The following KCTD8 variants were observed in gnomAD, a reference collection of about 807,000 sequenced individuals.
The protein encoded by KCTD8 is BTB/POZ domain-containing protein KCTD8.
Under a neutral mutation model 31.5 loss-of-function variants are expected in KCTD8, and 27 were observed. The observed-to-expected ratio is 0.86, with a 90% CI of 0.63 to 1.18. The LOEUF (loss-of-function observed/expected upper bound fraction) is 1.18. Ranked by LOEUF, KCTD8 falls within the 50% of genes most tolerant of loss-of-function variation. KCTD8 has a pLI of 0.00. For synonymous variants in KCTD8, 290 were observed against 280.0 expected, an observed-to-expected ratio of 1.04 and a Z score of -0.36; for missense variants, 658 against 647.7, an observed-to-expected ratio of 1.02 and a Z score of -0.17.
At chr4:44,276,527 T>C (rs952488611) in intron 1 of KCTD8, among the ~76,000 whole-genome samples, 1 of 151,974 alleles carries the variant, frequency 6.6e-6, no homozygotes, top group Non-Finnish European at 1.5e-5. Context: ...TATTCTTTAG[T>C]CTAAACAGTA....
At chr4:44,424,963 T>C (rs1289271816) in intron 1 of KCTD8, among the ~76,000 whole-genome samples, 1 of 151,916 alleles carries the variant, frequency 6.6e-6, no homozygotes, top group Non-Finnish European at 1.5e-5. Flanking sequence ...TAAGGTTAAA[T>C]GAGTTCATTA....
intron 1 of KCTD8, among the ~76,000 whole-genome samples, chr4:44,396,651 G>A (rs1577653684): frequency 6.6e-6 from 1 of 151,908 alleles, no homozygotes; most frequent in African/African-American, 2.4e-5. Flanking sequence ...AAAAAATCAG[G>A]TCAAATCTTG....
chr4:44,196,751 T>A (rs1713953815), intron 1 of KCTD8, among the ~76,000 whole-genome samples: 1 of 152,102 alleles, frequency 6.6e-6, no homozygotes, highest in Admixed American at 6.5e-5. Context: ...ATCTGTGAAA[T>A]CTTGGGAACG....
intron 1 of KCTD8, among the ~76,000 whole-genome samples, chr4:44,445,726 T>G (rs1721921634): frequency 6.6e-6 from 1 of 152,186 alleles, no homozygotes; most frequent in Non-Finnish European, 1.5e-5. Flanking sequence ...CATTCATGCT[T>G]GTATCTTCTC....
chr4:44,235,171 A>G (rs1016042999), intron 1 of KCTD8, among the ~76,000 whole-genome samples: 1 of 149,686 alleles, frequency 6.7e-6, no homozygotes, highest in Non-Finnish European at 1.5e-5. Flanking sequence ...CTTATATTTC[A>G]GACAGTGACA....
intron 1 of KCTD8, among the ~76,000 whole-genome samples, chr4:44,211,609 A>G (rs913500738): frequency 5.3e-5 from 8 of 152,122 alleles, no homozygotes; most frequent in Non-Finnish European, 1.2e-4. Flanking sequence ...TTGTTATTAT[A>G]AACAGTGCTT....
chr4:44,332,721 T>G (rs933533827), intron 1 of KCTD8, among the ~76,000 whole-genome samples: 21 of 151,978 alleles, frequency 1.4e-4, no homozygotes, highest in African/African-American at 4.8e-4. Context: ...AAAAGAAAAC[T>G]CCATAGTTAG....
intron 1 of KCTD8, among the ~76,000 whole-genome samples, chr4:44,201,164 CAAATA>C (rs1714138404): frequency 6.6e-6 from 1 of 151,934 alleles, no homozygotes; most frequent in African/African-American, 2.4e-5. Context: ...AGAGATGACA[CAAATA>C]AATGGATAAA....
chr4:44,407,651 G>T (rs1399555716), intron 1 of KCTD8, among the ~76,000 whole-genome samples: 1 of 152,024 alleles, frequency 6.6e-6, no homozygotes, highest in Non-Finnish European at 1.5e-5. Context: ...CTCCCAAAGT[G>T]CTGGGATTAC....
chr4:44,244,801 A>G (rs78318317), intron 1 of KCTD8, among the ~76,000 whole-genome samples: 7,881 of 145,226 alleles, frequency 0.054, 708 homozygotes, highest in African/African-American at 0.19. Context: ...ACCAGCATCA[A>G]TTCATACCCT....
chr4:44,431,390 T>C (rs1721498621), intron 1 of KCTD8, among the ~76,000 whole-genome samples: 1 of 151,534 alleles, frequency 6.6e-6, no homozygotes, highest in Admixed American at 6.6e-5. Context: ...GGGATAAAGA[T>C]CTTACTTATT....
At position 44,448,130 on chromosome 4, in the gene KCTD8, G is replaced by C; in HGVS notation, c.394C>G (p.Arg132Gly). The C allele has an allele frequency of 6.2e-7, 1 of 1,612,586 alleles. No individual in the cohort carries two copies. Among genetic ancestry groups the C allele is most frequent in the East Asian group, 2.2e-5 (1 of 44,774 alleles). Residue 132 changes from arginine to glycine, a missense_variant, in exon 1 of 2, where the codon CGC becomes GGC. Coordinates refer to ENST00000360029, the MANE Select transcript of KCTD8 (RefSeq NM_198353.3). This position sits in a 1 kb window ranked among gnomAD's most constrained non-coding sequence, Gnocchi z 4.1. The part of the protein sequence containing the change: ...EHFPEKERLL[R>G]EAEYFQLTDL... ...GTGAGCTGGAAATACTCGGCCTCGC[G>C]CAGCAGCCGCTCCTTCTCGGGGAAG...
Position 44,344,328 on chromosome 4 carries a change from C to A in KCTD8, c.961+103235G>T, listed in dbSNP as rs569594541. ...GCCTCCCAGGTAGCTAAAACTACAG[C>A]TGTACACCAACACACTGGGCTAATG... On this transcript the variant is annotated intron_variant, in intron 1 of 1. Transcript: ENST00000360029. 2.6e-5 allele frequency among the ~76,000 whole-genome samples: 4 copies of A among 152,160 alleles called. No homozygotes were observed. In the South Asian group the frequency reaches 8.3e-4, roughly 32 times the overall value.
intron 1 of KCTD8, among the ~76,000 whole-genome samples, chr4:44,341,104 C>A: frequency 6.6e-6 from 1 of 151,882 alleles, no homozygotes; most frequent in African/African-American, 2.4e-5. Flanking sequence ...GTTTGGTTTC[C>A]CAGAAGCATA....
intron 1 of KCTD8, among the ~76,000 whole-genome samples, chr4:44,235,548 T>TATATATATATATATAC (rs1715255497): frequency 1.3e-5 from 1 of 79,458 alleles, no homozygotes; most frequent in African/African-American, 7.3e-5. Context: ...TATATATATA[T>TATATATATATATATAC]ATATATATAT....
intron 1 of KCTD8, among the ~76,000 whole-genome samples, chr4:44,359,022 T>C (rs548839632): frequency 2.0e-4 from 30 of 152,326 alleles, no homozygotes; most frequent in African/African-American, 5.3e-4. Context: ...GGTTTGTTTT[T>C]TTCTTTTAAA....
At chr4:44,319,951 T>A (rs1718246254) in intron 1 of KCTD8, among the ~76,000 whole-genome samples, 1 of 151,770 alleles carries the variant, frequency 6.6e-6, no homozygotes, top group Non-Finnish European at 1.5e-5. Context: ...GCAGGCAGAT[T>A]ACCTGAGGTC....
At chr4:44,349,083 A>ACCC (rs1257511591) in intron 1 of KCTD8, among the ~76,000 whole-genome samples, 3 of 124,166 alleles carry the variant, frequency 2.4e-5, no homozygotes, top group South Asian at 2.6e-4. Context: ...CACCACCACC[A>ACCC]CCACCACCAC....
At chr4:44,185,861 T>C (rs1214955367) in intron 1 of KCTD8, among the ~76,000 whole-genome samples, 2 of 152,026 alleles carry the variant, frequency 1.3e-5, no homozygotes, top group Admixed American at 1.3e-4. Flanking sequence ...CATCCCTGTG[T>C]TCTGCCCCAC....
Sources: allele counts gnomAD v4.1 joint callset (sites outside exome capture counted in the v4.1 genomes callset), GRCh38; gene constraint gnomAD v4.1.1; non-coding constraint Gnocchi (gnomAD v3.1); transcripts MANE v1.5; gene names NCBI Gene and HGNC (gene_info 2026-07-23, HGNC 2026-07-21).